The following GSG1L variants were observed in gnomAD, a reference collection of about 807,000 sequenced individuals.
The protein encoded by GSG1L is GSG1 like.
In GSG1L, 24 loss-of-function variants were observed where a neutral mutation model predicts 42.1. The observed-to-expected ratio is 0.57, with a 90% CI of 0.41 to 0.80. The LOEUF (loss-of-function observed/expected upper bound fraction) is 0.80, where lower values mean the gene tolerates loss of function less well. Among genes scored for constraint, GSG1L ranks in the 30% least tolerant of loss-of-function variants. The probability of loss-of-function intolerance (pLI) is 0.00; values close to 1 mark genes in which losing one functional copy is unlikely to be tolerated. For missense variants in GSG1L, 445 were observed against 472.2 expected (o/e 0.94, Z 0.53); for synonymous variants, 215 against 203.5 (o/e 1.06, Z -0.48).
chr16:27,810,347 G>A (rs1315052819), intron 5 of GSG1L, among the ~76,000 whole-genome samples: 1 of 152,068 alleles, frequency 6.6e-6, no homozygotes, highest in East Asian at 1.9e-4. Context: ...ATGTGTTCCT[G>A]TGGTCCCAGC....
chr16:27,862,058 C>T (rs868277330), intron 3 of GSG1L, among the ~76,000 whole-genome samples: 1 of 152,130 alleles, frequency 6.6e-6, no homozygotes, highest in African/African-American at 2.4e-5. Context: ...GCCAAGCTGC[C>T]GTTTATTAAG....
At chr16:27,915,076 GATATC>G (rs1286935268) in intron 2 of GSG1L, among the ~76,000 whole-genome samples, 1 of 152,026 alleles carries the variant, frequency 6.6e-6, no homozygotes, top group African/African-American at 2.4e-5. Flanking sequence ...CTTAACCGTA[GATATC>G]ACTAAGCCGC....
At chr16:28,015,799 A>T (rs1301313562) in intron 1 of GSG1L, among the ~76,000 whole-genome samples, 1 of 152,214 alleles carries the variant, frequency 6.6e-6, no homozygotes, top group Non-Finnish European at 1.5e-5. Context: ...AAAAAGCTGG[A>T]GTCTACAGAA....
At chr16:27,878,315 C>T (rs1057007236) in intron 3 of GSG1L, among the ~76,000 whole-genome samples, 22 of 152,182 alleles carry the variant, frequency 1.4e-4, no homozygotes, top group African/African-American at 5.3e-4. Flanking sequence ...AACTTACAAT[C>T]ATGGTGGAAG....
chr16:27,945,469 T>C (rs538638634), intron 2 of GSG1L, among the ~76,000 whole-genome samples: 1 of 152,134 alleles, frequency 6.6e-6, no homozygotes, highest in Non-Finnish European at 1.5e-5. Flanking sequence ...CAGTCCCACA[T>C]GGGACCCTTT....
intron 1 of GSG1L, among the ~76,000 whole-genome samples, chr16:28,005,671 C>T (rs2085629863): frequency 6.6e-6 from 1 of 152,088 alleles, no homozygotes; most frequent in Admixed American, 6.6e-5. Flanking sequence ...CCTCTCTGTG[C>T]CTCAGTTTCC....
chr16:27,806,031 A>G (rs1419329582), intron 6 of GSG1L, among the ~76,000 whole-genome samples: 1 of 152,018 alleles, frequency 6.6e-6, no homozygotes, highest in African/African-American at 2.4e-5. Context: ...GGAATGCACC[A>G]GGATTCTCAA....
chr16:27,924,920 C>T (rs1359062513), intron 2 of GSG1L, among the ~76,000 whole-genome samples: 1 of 152,110 alleles, frequency 6.6e-6, no homozygotes, highest in Non-Finnish European at 1.5e-5. Flanking sequence ...AGTAAGAGAC[C>T]TTCCCCAGTC....
At chr16:27,807,371 G>A in intron 6 of GSG1L, 116 bp downstream of exon 6, 1 of 763,728 alleles carries the variant, frequency 1.3e-6, no homozygotes, top group South Asian at 1.7e-5. Flanking sequence ...CGTGTTTGTG[G>A]GAGAATGCAG....
intron 1 of GSG1L, among the ~76,000 whole-genome samples, chr16:28,028,325 T>C (rs955987646): frequency 7.2e-5 from 11 of 152,052 alleles, no homozygotes; most frequent in African/African-American, 2.7e-4. Flanking sequence ...TTTTTATTAT[T>C]TTCATCCCGA....
chr16:27,903,445 G>C (rs1567512483), intron 2 of GSG1L, among the ~76,000 whole-genome samples: 2 of 152,190 alleles, frequency 1.3e-5, no homozygotes, highest in Non-Finnish European at 1.5e-5. Flanking sequence ...AGAGGAGACA[G>C]ACTGCCCGTG....
chr16:27,893,287 A>G (rs1001997726), intron 2 of GSG1L, among the ~76,000 whole-genome samples: 1 of 152,190 alleles, frequency 6.6e-6, no homozygotes, highest in Non-Finnish European at 1.5e-5. Flanking sequence ...GTTTGCAGAA[A>G]TGATTTCCCA....
chr16:27,806,846 C>T (rs1020211809), intron 6 of GSG1L, among the ~76,000 whole-genome samples: 1 of 152,178 alleles, frequency 6.6e-6, no homozygotes, highest in African/African-American at 2.4e-5. Context: ...GCAACAATCC[C>T]AGCTGTAGGG....
intron 2 of GSG1L, among the ~76,000 whole-genome samples, chr16:27,907,563 C>T (rs2084334247): frequency 6.6e-6 from 1 of 152,228 alleles, no homozygotes; most frequent in Non-Finnish European, 1.5e-5. Flanking sequence ...CCTGTGCAGC[C>T]CTGGCCAAGT....
intron 3 of GSG1L, among the ~76,000 whole-genome samples, chr16:27,852,445 AGAG>A (rs1444211390): frequency 4.6e-5 from 7 of 152,068 alleles, no homozygotes; most frequent in Non-Finnish European, 8.8e-5. Context: ...AGGGCAGTCA[AGAG>A]GAGAAGTCCC....
At chr16:27,819,760 C>T (rs992404190) in intron 5 of GSG1L, among the ~76,000 whole-genome samples, 1 of 152,156 alleles carries the variant, frequency 6.6e-6, no homozygotes, top group South Asian at 2.1e-4. Context: ...CCATGGGAAA[C>T]CACTCCAGTG....
At chr16:27,797,523 C>CAAAA (rs766041354) in intron 6 of GSG1L, among the ~76,000 whole-genome samples, 9 of 72,396 alleles carry the variant, frequency 1.2e-4, no homozygotes, top group Admixed American at 1.5e-4. Flanking sequence ...AACTCCATCT[C>CAAAA]AAAAAAAAAA....
intron 2 of GSG1L, among the ~76,000 whole-genome samples, chr16:27,901,355 G>A (rs1232939608): frequency 6.6e-6 from 1 of 152,166 alleles, no homozygotes; most frequent in Non-Finnish European, 1.5e-5. Flanking sequence ...GAGGTTTGTT[G>A]CCACCACACG....
intron 3 of GSG1L, among the ~76,000 whole-genome samples, chr16:27,850,023 C>CTT (rs57543425): frequency 0.014 from 970 of 69,954 alleles, 159 homozygotes; most frequent in African/African-American, 0.015. Context: ...TTTGAAATGC[C>CTT]TTTTTTTTTT....
Sources: gnomAD v4.1 joint callset for allele counts (sites outside exome capture counted in the v4.1 genomes callset) on GRCh38, gnomAD v4.1.1 for gene constraint, MANE v1.5 for transcripts, NCBI Gene and HGNC (gene_info 2026-07-23, HGNC 2026-07-21) for gene names.